The following SMYD3 variants were observed in gnomAD, a reference collection of about 807,000 sequenced individuals.
SMYD3 encodes SET and MYND domain containing 3.
A neutral mutation model predicts 57.7 loss-of-function variants in SMYD3; 36 were observed. The observed-to-expected ratio is 0.62, with a 90% CI of 0.48 to 0.82. SMYD3 has a LOEUF of 0.82. Ranked by LOEUF, SMYD3 falls within the 40% of genes least tolerant of loss-of-function variation. The pLI, the probability that SMYD3 is intolerant of heterozygous loss-of-function variation, is 0.00. For missense variants in SMYD3, 515 were observed against 538.8 expected, an observed-to-expected ratio of 0.96 and a Z score of 0.44; for synonymous variants, 211 against 195.0, an observed-to-expected ratio of 1.08 and a Z score of -0.68.
chr1:246,460,173 T>C (rs1238883948), intron 1 of SMYD3, among the ~76,000 whole-genome samples: 1 of 152,248 alleles, frequency 6.6e-6, no homozygotes, highest in Non-Finnish European at 1.5e-5. Flanking sequence ...CACAGTGCTT[T>C]ACCTCGACTG....
intron 1 of SMYD3, among the ~76,000 whole-genome samples, chr1:246,467,072 A>C (rs890533688): frequency 3.9e-5 from 6 of 152,020 alleles, no homozygotes; most frequent in Non-Finnish European, 5.9e-5. Context: ...TAGGAGGCTG[A>C]GGTAGGAGAA....
chr1:245,924,802 A>G (rs2056255601), intron 7 of SMYD3, among the ~76,000 whole-genome samples: 2 of 151,510 alleles, frequency 1.3e-5, no homozygotes, highest in African/African-American at 4.9e-5. Context: ...AGCTGGGATT[A>G]CAGGTGTGCG....
chr1:246,201,294 A>C (rs1374165852), intron 5 of SMYD3, among the ~76,000 whole-genome samples: 1 of 152,230 alleles, frequency 6.6e-6, no homozygotes, highest in Non-Finnish European at 1.5e-5. Context: ...CCCTAATGGC[A>C]GTCAACCTTA....
intron 10 of SMYD3, among the ~76,000 whole-genome samples, chr1:245,818,649 C>T (rs2048985880): frequency 6.6e-6 from 1 of 151,700 alleles, no homozygotes; most frequent in Admixed American, 6.6e-5. Flanking sequence ...TCAGGAAACC[C>T]ATCTCACGAG....
chr1:246,016,977 T>G (rs1185781308), intron 5 of SMYD3, among the ~76,000 whole-genome samples: 23 of 152,112 alleles, frequency 1.5e-4, no homozygotes, highest in Non-Finnish European at 4.4e-5. Context: ...CCCACTGCAT[T>G]TACAGTTATC....
chr1:245,837,281 T>A (rs10802277), intron 10 of SMYD3, among the ~76,000 whole-genome samples: 2 of 149,164 alleles, frequency 1.3e-5, no homozygotes, highest in Non-Finnish European at 3.0e-5. Flanking sequence ...AGGAAGAAGA[T>A]GAAGAAGAGA....
Position 245,852,601 on chromosome 1 carries a change from G to T in SMYD3, c.1076+5895C>A, listed in dbSNP as rs547327776. ...AAAACATAAGTAATGAGGCCTAAGC[G>T]CAAGTCAGTGGTGTAATAAATATCT... On this transcript the variant is annotated intron_variant, in intron 10 of 11. Transcript: ENST00000490107. Among the ~76,000 whole-genome samples, 37 of 152,222 alleles carry T rather than the reference G, an allele frequency of 2.4e-4. 1 individual carries two copies. In the South Asian group the frequency reaches 7.3e-3, roughly 30 times the overall value.
chr1:246,355,609 G>GGGA lies in SMYD3; in HGVS notation c.165-518_165-516dup, dbSNP rs2065900271. Among the ~76,000 whole-genome samples, 1 of 152,150 alleles carries GGGA rather than the reference G, an allele frequency of 6.6e-6. No homozygotes were observed. Among genetic ancestry groups the GGGA allele is most frequent in the South Asian group, 2.1e-4 (1 of 4,822 alleles). On this transcript the variant is annotated intron_variant, in intron 1 of 11. Coordinates refer to ENST00000490107, the MANE Select transcript of SMYD3 (RefSeq NM_001167740.2). This position sits in a 1 kb window ranked among gnomAD's most constrained non-coding sequence, Gnocchi z 5.0. ...CTCCGTGCTGCTGTGGGGGCACGGT[G>GGGA]GGAGTGAGACCAGCCTTTAGGACTG...
At chr1:246,020,368 G>A (rs971636613) in intron 5 of SMYD3, among the ~76,000 whole-genome samples, 3 of 152,174 alleles carry the variant, frequency 2.0e-5, no homozygotes, top group African/African-American at 7.2e-5. Flanking sequence ...ATTTCCTAAT[G>A]AGCTATGGGA....
chr1:245,828,085 A>C (rs1391853163), intron 10 of SMYD3, among the ~76,000 whole-genome samples: 1 of 152,232 alleles, frequency 6.6e-6, no homozygotes, highest in Non-Finnish European at 1.5e-5. Flanking sequence ...ACTGAACAGA[A>C]AGAAAGGAAT....
At chr1:245,753,776 T>C (rs2045495649) in intron 11 of SMYD3, among the ~76,000 whole-genome samples, 1 of 152,228 alleles carries the variant, frequency 6.6e-6, no homozygotes, top group African/African-American at 2.4e-5. Flanking sequence ...ACGAGAGCAA[T>C]TGTTTCAAGT....
At chr1:245,829,002 C>T (rs2049674143) in intron 10 of SMYD3, among the ~76,000 whole-genome samples, 2 of 151,910 alleles carry the variant, frequency 1.3e-5, no homozygotes, top group East Asian at 1.9e-4. Flanking sequence ...CACGCCCGGC[C>T]AGTTTTTCTG....
At chr1:246,146,924 G>C (rs1233355907) in intron 5 of SMYD3, among the ~76,000 whole-genome samples, 1 of 152,272 alleles carries the variant, frequency 6.6e-6, no homozygotes, top group African/African-American at 2.4e-5. Flanking sequence ...CTGACACAGG[G>C]GCCTGCAGAC....
intron 5 of SMYD3, among the ~76,000 whole-genome samples, chr1:246,314,084 T>A (rs1343466236): frequency 4.6e-5 from 7 of 152,130 alleles, no homozygotes; most frequent in Non-Finnish European, 1.5e-5. Flanking sequence ...TCCACCCTCC[T>A]CCCACTCAAA....
chr1:245,845,502 C>T (rs2050618837), intron 10 of SMYD3, among the ~76,000 whole-genome samples: 1 of 152,190 alleles, frequency 6.6e-6, no homozygotes, highest in South Asian at 2.1e-4. Context: ...GTATGTCACA[C>T]ACTGCCATCA....
intron 10 of SMYD3, among the ~76,000 whole-genome samples, chr1:245,793,796 T>A (rs1177889714): frequency 1.3e-5 from 2 of 152,228 alleles, no homozygotes; most frequent in Non-Finnish European, 1.5e-5. Flanking sequence ...CCACATGACC[T>A]GGTTCATGCT....
intron 10 of SMYD3, among the ~76,000 whole-genome samples, chr1:245,822,624 A>C (rs1226311715): frequency 1.3e-5 from 2 of 151,390 alleles, no homozygotes; most frequent in Admixed American, 1.3e-4. Flanking sequence ...CGGCTGTTTT[A>C]CTGCTGACAC....
chr1:245,924,505 T>C (rs1412646127), intron 7 of SMYD3, among the ~76,000 whole-genome samples: 1 of 152,178 alleles, frequency 6.6e-6, no homozygotes, highest in Non-Finnish European at 1.5e-5. Flanking sequence ...ACAGACCTTG[T>C]GCAATTTTCC....
chr1:245,907,794 ACTATGTGCTGC>A (rs1469179508), intron 8 of SMYD3, among the ~76,000 whole-genome samples: 1 of 152,150 alleles, frequency 6.6e-6, no homozygotes. Flanking sequence ...AAAGAATCTA[ACTATGTGCTGC>A]CTACAAAAAA....
Sources: gnomAD v4.1 joint callset for allele counts (sites outside exome capture counted in the v4.1 genomes callset) on GRCh38, gnomAD v4.1.1 for gene constraint, Gnocchi (gnomAD v3.1) non-coding constraint, MANE v1.5 for transcripts, NCBI Gene and HGNC (gene_info 2026-07-23, HGNC 2026-07-21) for gene names.